ZNF619: variants seen among roughly 807,000 people sequenced by gnomAD.
The protein encoded by ZNF619 is zinc finger protein 619.
Under a neutral mutation model 14.2 loss-of-function variants are expected in ZNF619, and 9 were observed. The observed-to-expected ratio is 0.64, with a 90% CI of 0.38 to 1.11. ZNF619 has a LOEUF of 1.11. Ranked by LOEUF, ZNF619 falls within the 50% of genes least tolerant of loss-of-function variation. The pLI, the probability that ZNF619 is intolerant of heterozygous loss-of-function variation, is 0.01. For missense variants in ZNF619, 659 were observed against 680.1 expected (o/e 0.97, Z 0.34); for synonymous variants, 246 against 252.8 (o/e 0.97, Z 0.26).
Position 40,481,997 on chromosome 3 carries a change from T to C in ZNF619, c.159T>C (p.Tyr53=), listed in dbSNP as rs1697415752. ...ACAGGGAGGTGATGCTGGAGAATTA[T>C]GCAAATGTGACTTCCTTGTGTAAGT... ...ALYREVMLEN[Y]ANVTSLSAFP... is the part of the protein sequence containing the mutation. Residue 53 remains tyrosine (Y), a synonymous_variant, in exon 3 of 5, where the codon TAT becomes TAC. Coordinates refer to ENST00000432264, the MANE Select transcript of ZNF619 (RefSeq NM_001145093.4). 7 of 1,601,798 alleles carry C rather than the reference T, an allele frequency of 4.4e-6. No individual in the cohort carries two copies. The highest frequency in any genetic ancestry group is 6.0e-6 in the Non-Finnish European group (7 of 1,175,866).
At position 40,487,122 on chromosome 3, in the gene ZNF619, T is replaced by C. The variant is rs907794474; in HGVS notation, c.612T>C (p.Tyr204=). Reference sequence around the variant, plus strand: ...GTTTTGCCAAAGAACAGGTGTTTTATAAATGTGGTGAGTGTGGCAGTTACT... The same window carrying C: ...GTTTTGCCAAAGAACAGGTGTTTTACAAATGTGGTGAGTGTGGCAGTTACT... The part of the protein sequence containing the change: ...KQGFAKEQVF[Y]KCGECGSYYN... Residue 204 remains tyrosine (Y), a synonymous_variant, in exon 5 of 5, where the codon TAT becomes TAC. Transcript: ENST00000432264. 1 of 1,614,022 alleles carries C rather than the reference T, an allele frequency of 6.2e-7. No individual in the cohort carries two copies. Among genetic ancestry groups the C allele is most frequent in the African/African-American group, 1.3e-5 (1 of 74,950 alleles).
chr3:40,480,735 C>T (rs532584139), intron 2 of ZNF619, among the ~76,000 whole-genome samples: 5 of 152,086 alleles, frequency 3.3e-5, no homozygotes, highest in Non-Finnish European at 7.3e-5. Context: ...CTCCTGACCT[C>T]GCGATCTGCC....
intron 4 of ZNF619, among the ~76,000 whole-genome samples, chr3:40,484,700 C>CT (rs1697522568): frequency 6.6e-6 from 1 of 152,156 alleles, no homozygotes; most frequent in Non-Finnish European, 1.5e-5. Flanking sequence ...AGCTGAGGAA[C>CT]TGAGTTTTTA....
rs1056580786 is a variant in ZNF619 at position 40,490,197 on chromosome 3, C to A, written c.*1956C>A. On this transcript the variant is annotated 3_prime_UTR_variant, in exon 5 of 5. Coordinates refer to ENST00000432264, the MANE Select transcript of ZNF619 (RefSeq NM_001145093.4). The stretch of plus-strand genomic sequence containing the variant: ...CCTTTATATTGGACTTCTTAGCCTT[C>A]AGAACTGTGAACTAAATAAACCTCT... The A allele has an allele frequency of 6.6e-6, 1 of 152,222 alleles. No homozygotes were observed. The highest frequency in any genetic ancestry group is 2.4e-5 in the African/African-American group (1 of 41,450). The allele number at this position is 152,222 out of a possible 1,614,324, so 9.4% of individuals were successfully genotyped here.
intron 2 of ZNF619, among the ~76,000 whole-genome samples, chr3:40,481,532 G>A (rs539001244): frequency 1.3e-5 from 2 of 152,318 alleles, no homozygotes; most frequent in South Asian, 4.1e-4. Flanking sequence ...CGTGCTTCAG[G>A]ATGGATGGAG....
chr3:40,482,709 G>C lies in ZNF619; in HGVS notation c.295+5G>C, dbSNP rs747256867. 1 of 1,599,118 alleles carries C rather than the reference G, an allele frequency of 6.3e-7. No homozygotes were observed. The highest frequency in any genetic ancestry group is 8.5e-7 in the Non-Finnish European group (1 of 1,172,800). On this transcript the variant is annotated splice_donor_5th_base_variant and intron_variant, in intron 4 of 4. Coordinates refer to ENST00000432264, the MANE Select transcript of ZNF619 (RefSeq NM_001145093.4). Reference sequence around the variant, plus strand: ...CCCTGAGAGGCATGTGCACAGGTGAGCAGGAGAGCCTACCATCCTCCTTTC... The same window carrying C: ...CCCTGAGAGGCATGTGCACAGGTGACCAGGAGAGCCTACCATCCTCCTTTC...
Position 40,486,307 on chromosome 3 carries a change from A to G in ZNF619, c.296-499A>G, listed in dbSNP as rs567522385. On this transcript the variant is annotated intron_variant, in intron 4 of 4. Transcript: ENST00000432264. ...TTCTGCCATCCACACTGTTTTTGTC[A>G]TCCATGTGGGATTGCTTACCTTCTC... Among the ~76,000 whole-genome samples, 228 of 152,260 alleles carry G rather than the reference A, an allele frequency of 1.5e-3. 2 individuals carry two copies. The highest frequency in any genetic ancestry group is 5.3e-3 in the African/African-American group (221 of 41,546).
chr3:40,478,988 G>A (rs771213932), intron 2 of ZNF619, among the ~76,000 whole-genome samples: 2 of 152,174 alleles, frequency 1.3e-5, no homozygotes, highest in African/African-American at 2.4e-5. Context: ...GACCCCAAAT[G>A]ACAGTGGATT....
At chr3:40,486,731 C>A in intron 4 of ZNF619, 75 bp from the exon 5 acceptor site, 3 of 1,203,576 alleles carry the variant, frequency 2.5e-6, no homozygotes, top group Non-Finnish European at 2.3e-6. Flanking sequence ...GTGTCTAGGG[C>A]AAGCTGTTAC....
intron 4 of ZNF619, among the ~76,000 whole-genome samples, chr3:40,485,936 G>T (rs1305602361): frequency 6.6e-6 from 1 of 152,100 alleles, no homozygotes; most frequent in Non-Finnish European, 1.5e-5. Flanking sequence ...TTAAAATTGT[G>T]GTCTTCTCAT....
chr3:40,484,647 C>T (rs1187831807), intron 4 of ZNF619, among the ~76,000 whole-genome samples: 2 of 152,184 alleles, frequency 1.3e-5, no homozygotes, highest in East Asian at 3.8e-4. Context: ...TTCTATTTAG[C>T]CTGCCAGATG....
At position 40,478,142 on chromosome 3, in the gene ZNF619, A is replaced by C. The variant is rs943186517; in HGVS notation, c.24+139A>C. The stretch of plus-strand genomic sequence containing the variant: ...GTATGTAAAAACAGTATGCGAGGGG[A>C]GTTGACGAACGAGAGTAGGTGAATT... On this transcript the variant is annotated intron_variant, in intron 2 of 4. Coordinates refer to ENST00000432264, the MANE Select transcript of ZNF619 (RefSeq NM_001145093.4). The C allele has an allele frequency of 6.4e-6, 5 of 783,462 alleles. No homozygotes were observed. The African/African-American group carries it at 7.0e-5, about 11-fold the overall frequency. 48.5% of individuals were successfully genotyped at this position (783,462 alleles called of 1,614,324 possible).
chr3:40,486,233 A>G (rs150219468), intron 4 of ZNF619, among the ~76,000 whole-genome samples: 14 of 152,198 alleles, frequency 9.2e-5, no homozygotes, highest in Admixed American at 8.5e-4. Context: ...CCTTCCTGCA[A>G]CTTCACCCCA....
At chr3:40,478,034 C>T (rs1359953366) in intron 2 of ZNF619, 31 bp downstream of exon 2, 1 of 1,549,594 alleles carries the variant, frequency 6.5e-7, no homozygotes, top group Non-Finnish European at 8.7e-7. Flanking sequence ...GCTTTCCATA[C>T]TCAGAACAGA....
chr3:40,481,557 G>A (rs972284076), intron 2 of ZNF619, among the ~76,000 whole-genome samples: 16 of 152,168 alleles, frequency 1.1e-4, no homozygotes, highest in African/African-American at 3.4e-4. Context: ...GGTGAAAGAC[G>A]GTTACCTGCT....
intron 3 of ZNF619, chr3:40,482,241 G>C (rs183185426): frequency 2.6e-6 from 4 of 1,551,460 alleles, no homozygotes; most frequent in African/African-American, 1.4e-5. Context: ...CCCAACTGCA[G>C]GGGGCTTTCC....
intron 2 of ZNF619, among the ~76,000 whole-genome samples, chr3:40,480,005 C>T (rs1697331615): frequency 6.6e-6 from 1 of 152,064 alleles, no homozygotes. Context: ...AGAGTAAGTG[C>T]AAGTAAAGGA....
rs972176326 is a variant in ZNF619, at chr3:40,488,295, C to T, written c.*54C>T. ...ACCTCAAGTTAGGGATTCCACTGGT[C>T]TCCTGATTGTGTCTATTGATATTCC... On this transcript the variant is annotated 3_prime_UTR_variant, in exon 5 of 5. Coordinates refer to ENST00000432264, the MANE Select transcript of ZNF619 (RefSeq NM_001145093.4). 18 of 850,870 alleles carry T rather than the reference C, an allele frequency of 2.1e-5. No individual in the cohort carries two copies. The highest frequency in any genetic ancestry group is 3.3e-5 in the Non-Finnish European group (17 of 520,862). The allele number at this position is 850,870 out of a possible 1,614,324, so 52.7% of individuals were successfully genotyped here.
At chr3:40,478,723 G>T (rs560885409) in intron 2 of ZNF619, among the ~76,000 whole-genome samples, 118 of 152,206 alleles carry the variant, frequency 7.8e-4, no homozygotes, top group East Asian at 1.5e-3. Flanking sequence ...TTTTTCTCCA[G>T]TGTCCTAGAT....
Sources: gnomAD v4.1 joint callset for allele counts (sites outside exome capture counted in the v4.1 genomes callset) on GRCh38, gnomAD v4.1.1 for gene constraint, MANE v1.5 for transcripts, NCBI Gene and HGNC (gene_info 2026-07-23, HGNC 2026-07-21) for gene names.